Variants in C12orf42 observed in about 807,000 individuals in gnomAD.
C12orf42 encodes uncharacterized protein C12orf42.
In C12orf42, 25 loss-of-function variants were observed where a neutral mutation model predicts 21.6. The observed-to-expected ratio is 1.16, with a 90% CI of 0.84 to 1.62. C12orf42 has a LOEUF of 1.62. Among genes scored for constraint, C12orf42 ranks in the 40% most tolerant of loss-of-function variants. The pLI, the probability that C12orf42 is intolerant of heterozygous loss-of-function variation, is 0.00. For synonymous variants in C12orf42, 174 were observed against 175.0 expected (o/e 0.99, Z 0.05); for missense variants, 483 against 459.3 (o/e 1.05, Z -0.47).
chr12:103,523,655 C>T, the C12orf42 span, among the ~76,000 whole-genome samples: 3 of 150,674 alleles, frequency 2.0e-5, no homozygotes, highest in African/African-American at 7.3e-5. Context: ...TATATATAGA[C>T]ACTCGGTGTT....
chr12:103,415,660 G>A (rs1326543861), intron 2 of C12orf42, among the ~76,000 whole-genome samples: 3 of 152,148 alleles, frequency 2.0e-5, no homozygotes, highest in Non-Finnish European at 4.4e-5. Context: ...ATAATGTTCT[G>A]CAAAATGCCA....
At chr12:103,533,906 T>C in the C12orf42 span, among the ~76,000 whole-genome samples, 1 of 151,798 alleles carries the variant, frequency 6.6e-6, no homozygotes, top group Non-Finnish European at 1.5e-5. Flanking sequence ...TTACCAATAG[T>C]GCAGTCTTGG....
At chr12:103,369,873 A>G (rs989462323) in intron 3 of C12orf42, among the ~76,000 whole-genome samples, 3 of 152,172 alleles carry the variant, frequency 2.0e-5, no homozygotes, top group African/African-American at 7.2e-5. Context: ...ACAAAAATTG[A>G]CAAATGGGAT....
At chr12:103,502,121 G>T in the C12orf42 span, among the ~76,000 whole-genome samples, 2 of 152,022 alleles carry the variant, frequency 1.3e-5, no homozygotes, top group Non-Finnish European at 2.9e-5. Context: ...TTCCTCTGTG[G>T]CTCCTCCCTT....
chr12:103,456,313 G>C (rs1952290345), intron 2 of C12orf42: 1 of 152,078 alleles, frequency 6.6e-6, no homozygotes. Context: ...GCAAGAAAGG[G>C]GGAAAAAGCT....
At chr12:103,237,266 T>C (rs754018794), downstream of C12orf42, among the ~76,000 whole-genome samples, 1 of 152,204 alleles carries the variant, frequency 6.6e-6, no homozygotes, top group East Asian at 1.9e-4. Flanking sequence ...AACAATGGTG[T>C]GTGTGTGGCA....
intron 4 of C12orf42, among the ~76,000 whole-genome samples, chr12:103,294,444 A>AAGTAAGAAAGAGAGAAGGAGAGAG (rs1555245929): frequency 2.4e-5 from 3 of 127,154 alleles, no homozygotes; most frequent in African/African-American, 1.0e-4. Flanking sequence ...GAAAGAAAGA[A>AAGTAAGAAAGAGAGAAGGAGAGAG]AGAAAGAAAG....
chr12:103,499,154 C>T (rs936377866), upstream of C12orf42, among the ~76,000 whole-genome samples: 1 of 152,086 alleles, frequency 6.6e-6, no homozygotes, highest in African/African-American at 2.4e-5. Flanking sequence ...GATAAACCTT[C>T]AGTTACAAGA....
intron 2 of C12orf42, among the ~76,000 whole-genome samples, chr12:103,424,128 C>G (rs1239233192): frequency 6.6e-6 from 1 of 152,228 alleles, no homozygotes; most frequent in Non-Finnish European, 1.5e-5. Context: ...AGAAGTGAAG[C>G]CTTTGAGCGC....
At chr12:103,218,289 A>G in the C12orf42 span, among the ~76,000 whole-genome samples, 1 of 152,072 alleles carries the variant, frequency 6.6e-6, no homozygotes, top group Admixed American at 6.5e-5. Flanking sequence ...CAAAAAAAAA[A>G]AAAAAAGTCT....
At chr12:103,118,737 G>A in the C12orf42 span, among the ~76,000 whole-genome samples, 2 of 120,700 alleles carry the variant, frequency 1.7e-5, no homozygotes, top group Admixed American at 2.2e-4. Flanking sequence ...GGCAGAGCTT[G>A]CAGTGAGCTG....
chr12:103,231,523 T>C, the C12orf42 span, among the ~76,000 whole-genome samples: 1 of 152,236 alleles, frequency 6.6e-6, no homozygotes, highest in Non-Finnish European at 1.5e-5. Context: ...TTCATAGTTT[T>C]CACTTTTCCA....
At chr12:103,331,929 A>G (rs576483536) in intron 4 of C12orf42, among the ~76,000 whole-genome samples, 1 of 152,350 alleles carries the variant, frequency 6.6e-6, no homozygotes, top group African/African-American at 2.4e-5. Context: ...GTTCTATGCA[A>G]TAGTGAGAAC....
intron 2 of C12orf42, among the ~76,000 whole-genome samples, chr12:103,425,192 G>C (rs991345415): frequency 6.6e-6 from 1 of 152,172 alleles, no homozygotes. Flanking sequence ...CCAGTCAGGG[G>C]CTTATAGATA....
At chr12:103,179,410 G>C in the C12orf42 span, among the ~76,000 whole-genome samples, 2 of 152,172 alleles carry the variant, frequency 1.3e-5, no homozygotes, top group South Asian at 4.1e-4. Context: ...GAGATTTGAA[G>C]AATATGGAGG....
At chr12:103,426,761 C>T (rs925630659) in intron 2 of C12orf42, among the ~76,000 whole-genome samples, 1 of 152,170 alleles carries the variant, frequency 6.6e-6, no homozygotes, top group African/African-American at 2.4e-5. Flanking sequence ...GCGGATCTCT[C>T]GGCAGAAACC....
intron 5 of C12orf42, chr12:103,273,931 A>C: frequency 2.2e-6 from 1 of 456,146 alleles, no homozygotes; most frequent in Non-Finnish European, 4.4e-6. Context: ...TGCTTTTCGC[A>C]TACTCACAGT....
chr12:103,364,153 A>T (rs1566158963), intron 4 of C12orf42, among the ~76,000 whole-genome samples: 1 of 152,130 alleles, frequency 6.6e-6, no homozygotes, highest in Non-Finnish European at 1.5e-5. Flanking sequence ...ACTCTCTCAG[A>T]CCACAGCAGA....
At chr12:103,498,827 T>A (rs139671242), upstream of C12orf42, among the ~76,000 whole-genome samples, 15 of 119,970 alleles carry the variant, frequency 1.3e-4, no homozygotes, top group Admixed American at 2.4e-4. Context: ...ACAATGAGAA[T>A]ACATGGACAC....
Sources: gnomAD v4.1 joint callset for allele counts (sites outside exome capture counted in the v4.1 genomes callset) on GRCh38, gnomAD v4.1.1 for gene constraint, MANE v1.5 for transcripts, NCBI Gene and HGNC (gene_info 2026-07-23, HGNC 2026-07-21) for gene names.